The following EXOC2 variants were observed in gnomAD, a reference collection of about 807,000 sequenced individuals.
The protein encoded by EXOC2 is exocyst complex component 2.
In EXOC2, 70 loss-of-function variants were observed where a neutral mutation model predicts 131.8. The observed-to-expected ratio is 0.53, with a 90% CI of 0.44 to 0.65. The LOEUF (loss-of-function observed/expected upper bound fraction) is 0.65, where lower values mean the gene tolerates loss of function less well. Among genes scored for constraint, EXOC2 ranks in the 30% least tolerant of loss-of-function variants. The pLI, the probability that EXOC2 is intolerant of heterozygous loss-of-function variation, is 0.00. For missense variants in EXOC2, 923 were observed against 1,108.6 expected (o/e 0.83, Z 2.38); for synonymous variants, 411 against 398.4 (o/e 1.03, Z -0.38).
At chr6:527,571 C>T (rs1427550997) in intron 23 of EXOC2, among the ~76,000 whole-genome samples, 2 of 152,274 alleles carry the variant, frequency 1.3e-5, no homozygotes, top group African/African-American at 4.8e-5. Context: ...CACCCCAAGC[C>T]TGTGCTCTGG....
intron 10 of EXOC2, among the ~76,000 whole-genome samples, chr6:597,601 T>G (rs544352646): frequency 6.6e-6 from 1 of 152,366 alleles, no homozygotes; most frequent in African/African-American, 2.4e-5. Flanking sequence ...GAACTTACTG[T>G]GCTGTTAAGC....
chr6:674,907 A>G (rs1295288440), intron 1 of EXOC2, among the ~76,000 whole-genome samples: 1 of 151,826 alleles, frequency 6.6e-6, no homozygotes, highest in Non-Finnish European at 1.5e-5. Context: ...AGCCCTACAT[A>G]CCCCAGGTGC....
intron 23 of EXOC2, among the ~76,000 whole-genome samples, chr6:532,259 T>C (rs1766134378): frequency 6.6e-6 from 1 of 152,246 alleles, no homozygotes; most frequent in Admixed American, 6.5e-5. Flanking sequence ...CTCTAGAATT[T>C]AAGAACAGCT....
rs192068048 is a variant in EXOC2 at position 510,914 on chromosome 6, G to A, written c.2381-11214C>T. On this transcript the variant is annotated intron_variant, in intron 23 of 27. Coordinates refer to ENST00000230449, the MANE Select transcript of EXOC2 (RefSeq NM_018303.6). The stretch of plus-strand genomic sequence containing the variant: ...TCATTCTATACATGCAGATGAATGC[G>A]TTTGTTTTGCACTGTGAGGTGTTAC... 2.0e-3 allele frequency among the ~76,000 whole-genome samples: 310 copies of A among 152,314 alleles called. 1 individual carries two copies. Among genetic ancestry groups the A allele is most frequent in the African/African-American group, 7.1e-3 (296 of 41,562 alleles).
intron 11 of EXOC2, among the ~76,000 whole-genome samples, chr6:590,180 A>G (rs867199550): frequency 3.3e-4 from 51 of 152,288 alleles, no homozygotes; most frequent in African/African-American, 1.1e-3. Context: ...TCTGCCGAAC[A>G]GAGTAGACTC....
chr6:667,611 T>C (rs2127769661), intron 1 of EXOC2, among the ~76,000 whole-genome samples: 1 of 97,522 alleles, frequency 1.0e-5, no homozygotes, highest in African/African-American at 3.1e-5. Flanking sequence ...TTTCCTGCTC[T>C]TGAATCACCA....
At chr6:627,917 C>G (rs1412993912) in intron 4 of EXOC2, among the ~76,000 whole-genome samples, 1 of 152,126 alleles carries the variant, frequency 6.6e-6, no homozygotes, top group Non-Finnish European at 1.5e-5. Context: ...CACTGAAGTA[C>G]TTATTGGATA....
chr6:593,345 G>A lies in EXOC2; in HGVS notation c.1074-758C>T, dbSNP rs773778872. ...GGCCACGAGATGGCAGTATGGCACCGCTTTCTAAAACTAGCTAAATGAGGG... is the reference window on the plus strand; with the variant it reads ...GGCCACGAGATGGCAGTATGGCACCACTTTCTAAAACTAGCTAAATGAGGG... On this transcript the variant is annotated intron_variant, in intron 10 of 27. Transcript: ENST00000230449. Among the ~76,000 whole-genome samples the A allele has an allele frequency of 3.9e-5, 6 of 152,080 alleles. No individual in the cohort carries two copies. In the East Asian group the frequency reaches 7.7e-4, roughly 20 times the overall value.
At chr6:614,001 T>TA (rs1760849799) in intron 6 of EXOC2, among the ~76,000 whole-genome samples, 2 of 152,022 alleles carry the variant, frequency 1.3e-5, no homozygotes, top group Non-Finnish European at 2.9e-5. Context: ...TTACAAATAA[T>TA]ATATCAAGCC....
chr6:692,829 C>CGGGGATG (rs1765007774), intron 1 of EXOC2, among the ~76,000 whole-genome samples, 190 bp downstream of exon 1: 1 of 124,492 alleles, frequency 8.0e-6, no homozygotes, highest in Non-Finnish European at 1.8e-5. Flanking sequence ...CGGCTGACGG[C>CGGGGATG]GGGGATGGGG....
chr6:648,807 G>C (rs1037347844), intron 1 of EXOC2, among the ~76,000 whole-genome samples: 1 of 139,816 alleles, frequency 7.2e-6, no homozygotes, highest in East Asian at 2.2e-4. Flanking sequence ...CTGCAGCCTC[G>C]AACTCCTGGG....
At chr6:580,456 A>C (rs1758827356) in intron 11 of EXOC2, among the ~76,000 whole-genome samples, 1 of 152,138 alleles carries the variant, frequency 6.6e-6, no homozygotes, top group African/African-American at 2.4e-5. Flanking sequence ...TTGGCAGTAA[A>C]TTTTCTATAG....
chr6:683,258 A>C (rs770386245), intron 1 of EXOC2, among the ~76,000 whole-genome samples: 25 of 152,236 alleles, frequency 1.6e-4, no homozygotes, highest in African/African-American at 1.4e-4. Flanking sequence ...AAGCTAAACA[A>C]TGCAAAATCC....
intron 24 of EXOC2, 50 bp from the exon 25 acceptor site, chr6:497,539 A>C (rs1354637194): frequency 6.4e-7 from 1 of 1,565,238 alleles, no homozygotes; most frequent in Non-Finnish European, 8.6e-7. Context: ...TTTGACTTGA[A>C]TTTGTTAAAG....
intron 1 of EXOC2, among the ~76,000 whole-genome samples, chr6:643,623 G>GA (rs1468425406): frequency 6.7e-6 from 1 of 149,856 alleles, no homozygotes; most frequent in East Asian, 2.0e-4. Context: ...AAAAAAACTA[G>GA]AAAAATAAGG....
At chr6:537,125 G>A (rs1372382033) in intron 22 of EXOC2, among the ~76,000 whole-genome samples, 1 of 152,198 alleles carries the variant, frequency 6.6e-6, no homozygotes, top group Non-Finnish European at 1.5e-5. Flanking sequence ...TTAAGTGTTG[G>A]CTAGGATGCA....
chr6:504,093 G>C (rs560830895), intron 23 of EXOC2, among the ~76,000 whole-genome samples: 1 of 152,252 alleles, frequency 6.6e-6, no homozygotes, highest in Admixed American at 6.5e-5. Flanking sequence ...GGCCAACACC[G>C]TTGGCAAAAG....
chr6:594,809 C>A (rs1759725216), intron 10 of EXOC2, among the ~76,000 whole-genome samples: 1 of 152,178 alleles, frequency 6.6e-6, no homozygotes, highest in Non-Finnish European at 1.5e-5. Flanking sequence ...CTGGGCTCTT[C>A]AAATAAGTTT....
At chr6:630,022 C>CTGGCCTAT in intron 3 of EXOC2, 61 bp from the exon 4 acceptor site, 1 of 1,587,262 alleles carries the variant, frequency 6.3e-7, no homozygotes. Flanking sequence ...CCTTCTACGT[C>CTGGCCTAT]TGGCCTATTG....
Sources: gnomAD v4.1 joint callset for allele counts (sites outside exome capture counted in the v4.1 genomes callset) on GRCh38, gnomAD v4.1.1 for gene constraint, MANE v1.5 for transcripts, NCBI Gene and HGNC (gene_info 2026-07-23, HGNC 2026-07-21) for gene names.